FCRL3: variants seen among roughly 807,000 people sequenced by gnomAD.
FCRL3 encodes Fc receptor-like protein 3.
A neutral mutation model predicts 75.0 loss-of-function variants in FCRL3; 89 were observed. The ratio of observed to expected loss-of-function variants is 1.19; its 90% confidence interval spans 1.00 to 1.42. The LOEUF is 1.42. Ranked by LOEUF, FCRL3 falls within the 40% of genes most tolerant of loss-of-function variation. The probability of loss-of-function intolerance (pLI) is 0.00; values close to 1 mark genes in which losing one functional copy is unlikely to be tolerated. For missense variants in FCRL3, 946 were observed against 880.0 expected (o/e 1.07, Z -0.95); for synonymous variants, 376 against 348.5 (o/e 1.08, Z -0.88).
Position 157,697,902 on chromosome 1 carries a change from C to A in FCRL3, c.316G>T (p.Ala106Ser). 1 of 1,613,872 alleles carries A rather than the reference C, an allele frequency of 6.2e-7. No homozygotes were observed. The highest frequency in any genetic ancestry group is 8.5e-7 in the Non-Finnish European group (1 of 1,179,972). The part of the protein sequence containing the change: ...EFSPDWLILQ[A>S]LHPVFEGDNV... Reference sequence around the variant, plus strand: ...TCTCCTTCAAAGACAGGATGTAAAGCCTGCAGGATCAGCCAGTCTGCAAAG... The same window carrying A: ...TCTCCTTCAAAGACAGGATGTAAAGACTGCAGGATCAGCCAGTCTGCAAAG... Residue 106 changes from alanine (A) to serine (S), a missense_variant, in exon 5 of 15, where the codon GCT (alanine) becomes TCT (serine). Transcript: ENST00000368184.
chr1:157,690,969 A>G (rs1480278783), intron 8 of FCRL3, among the ~76,000 whole-genome samples: 4 of 151,926 alleles, frequency 2.6e-5, no homozygotes, highest in Non-Finnish European at 5.9e-5. Flanking sequence ...TTATTTTTCT[A>G]CATAGCATTT....
Position 157,699,729 on chromosome 1 carries a change from A to G in FCRL3, c.32-17T>C. ...TTCCAGGAGCTGTGAGGGAGCAGAA[A>G]ATGACAATCAGACACTCTCCGAAAC... is the stretch of plus-strand genomic sequence containing the variant. On this transcript the variant is annotated splice_polypyrimidine_tract_variant and intron_variant, in intron 2 of 14. Transcript: ENST00000368184. 1.9e-6 allele frequency: 3 copies of G among 1,613,056 alleles called. No homozygotes were observed. Among genetic ancestry groups the G allele is most frequent in the Non-Finnish European group, 2.5e-6 (3 of 1,179,580 alleles).
chr1:157,677,985 T>A lies in FCRL3; in HGVS notation c.*725A>T. 1 of 985,318 alleles carries A rather than the reference T, an allele frequency of 1.0e-6. No homozygotes were observed. The highest frequency in any genetic ancestry group is 1.2e-6 in the Non-Finnish European group (1 of 829,884). The allele number at this position is 985,318 out of a possible 1,614,324, so 61.0% of individuals were successfully genotyped here. On this transcript the variant is annotated 3_prime_UTR_variant, in exon 15 of 15. Transcript: ENST00000368184. Reference sequence around the variant, plus strand: ...AAGAATAAAACTGACTGACTAGAAATCTATCATGTATGGCAAATGATGAGA... The same window carrying A: ...AAGAATAAAACTGACTGACTAGAAAACTATCATGTATGGCAAATGATGAGA...
intron 13 of FCRL3, among the ~76,000 whole-genome samples, chr1:157,679,828 CACAAAAAAAAAAAAAA>C (rs908693407): frequency 1.1e-4 from 3 of 27,906 alleles, no homozygotes; most frequent in African/African-American, 2.3e-4. Flanking sequence ...GACCCCATCT[CACAAAAAAAAAAAAAA>C]AAAAAAAAAA....
At position 157,678,944 on chromosome 1, in the gene FCRL3, C is replaced by T. The variant is rs756650560; in HGVS notation, c.2056G>A (p.Glu686Lys). The change falls in exon 14 of 15, where the codon GAG (glutamate) becomes AAG (lysine). Residue 686 changes from glutamate (E) to lysine (K), a missense_variant and splice_region_variant. Coordinates refer to ENST00000368184, the MANE Select transcript of FCRL3 (RefSeq NM_052939.4). ...ANCPMMHQEH[E>K]ELTVLYSELK... ...GAAAGCCAAGAAATGTGACTCACCT[C>T]ATGCTCTTGATGCATCATTGGACAA... 3 of 1,614,022 alleles carry T rather than the reference C, an allele frequency of 1.9e-6. No individual in the cohort carries two copies. Among genetic ancestry groups the T allele is most frequent in the African/African-American group, 1.3e-5 (1 of 74,920 alleles).
rs1021453689 is a variant in FCRL3, at chr1:157,676,527, C to CT, written c.*2182dup. On this transcript the variant is annotated 3_prime_UTR_variant, in exon 15 of 15. Coordinates refer to ENST00000368184, the MANE Select transcript of FCRL3 (RefSeq NM_052939.4). ...ATTTTCAAAGGCTCCACTAAAATTA[C>CT]TTTTTTTAGATTTCTGGGCTATGGG... The CT allele has an allele frequency of 2.2e-5, 12 of 538,872 alleles. No individual in the cohort carries two copies. The highest frequency in any genetic ancestry group is 2.1e-4 in the African/African-American group (11 of 52,892). The allele number at this position is 538,872 out of a possible 1,614,324, so 33.4% of individuals were successfully genotyped here. A position where few individuals can be genotyped will look rare whatever the true frequency, so the allele number is the denominator to read the frequency against.
chr1:157,685,458 A>C (rs1248725833), intron 10 of FCRL3, among the ~76,000 whole-genome samples: 1 of 152,106 alleles, frequency 6.6e-6, no homozygotes, highest in African/African-American at 2.4e-5. Context: ...TCTACAAAAA[A>C]ACCTGGACAG....
At chr1:157,686,084 C>T (rs914333451) in intron 10 of FCRL3, among the ~76,000 whole-genome samples, 22 of 151,860 alleles carry the variant, frequency 1.4e-4, no homozygotes, top group Admixed American at 4.6e-4. Context: ...CAAGACTCTG[C>T]CAAGAGTAAG....
At chr1:157,698,345 TG>T (rs750830602) in intron 4 of FCRL3, 38 bp downstream of exon 4, 11 of 1,611,080 alleles carry the variant, frequency 6.8e-6, no homozygotes, top group Non-Finnish European at 9.3e-6. Flanking sequence ...GCATTCTGCC[TG>T]GTGGCTTGAC....
chr1:157,695,237 A>G, intron 8 of FCRL3, 92 bp downstream of exon 8: 3 of 1,333,270 alleles, frequency 2.3e-6, no homozygotes, highest in Non-Finnish European at 3.1e-6. Context: ...GTCTATTGGG[A>G]TATCAACCAG....
At chr1:157,680,600 T>G in intron 13 of FCRL3, 102 bp downstream of exon 13, 1 of 952,926 alleles carries the variant, frequency 1.0e-6, no homozygotes. Context: ...AGTAATGCCT[T>G]GCGTGTTGGG....
chr1:157,696,298 T>C lies in FCRL3; in HGVS notation c.874A>G (p.Ile292Val), dbSNP rs571480875. 1.2e-6 allele frequency: 2 copies of C among 1,614,012 alleles called. No homozygotes were observed. The highest frequency in any genetic ancestry group is 1.7e-6 in the Non-Finnish European group (2 of 1,180,004). Residue 292 changes from isoleucine (I) to valine (V), a missense_variant, in exon 7 of 15, where the codon ATC (isoleucine) becomes GTC (valine). By Grantham distance (29) the Ile-to-Val change is conservative. Coordinates refer to ENST00000368184, the MANE Select transcript of FCRL3 (RefSeq NM_052939.4). Reference protein sequence around the residue: ...RVPVSNVNLEIRPTGGQLIEG... With the variant: ...RVPVSNVNLEVRPTGGQLIEG... The stretch of plus-strand genomic sequence containing the variant: ...ATCAGCTGCCCTCCGGTGGGCCGGA[T>C]CTCTAGATTCACATTAGACACAGGG...
chr1:157,687,441 G>A (rs1191303605), intron 10 of FCRL3, among the ~76,000 whole-genome samples: 2 of 112,578 alleles, frequency 1.8e-5, no homozygotes, highest in African/African-American at 3.3e-5. Context: ...ATTGGTATAC[G>A]CTCACAAAAA....
In FCRL3 at chr1:157,677,937, T is replaced by A; in HGVS notation, c.*773A>T. ...GCCACATAGATATAGTAGGTTATTG[T>A]CTCGGGGTTAATGGGTGCTTATAAG... is the stretch of plus-strand genomic sequence containing the variant. On this transcript the variant is annotated 3_prime_UTR_variant, in exon 15 of 15. Coordinates refer to ENST00000368184, the MANE Select transcript of FCRL3 (RefSeq NM_052939.4). 1 of 984,288 alleles carries A rather than the reference T, an allele frequency of 1.0e-6. No individual in the cohort carries two copies. The highest frequency in any genetic ancestry group is 1.2e-6 in the Non-Finnish European group (1 of 828,946). The allele number at this position is 984,288 out of a possible 1,614,324, so 61.0% of individuals were successfully genotyped here.
chr1:157,700,308 G>A (rs867961865), intron 2 of FCRL3, 151 bp downstream of exon 2: 27 of 1,159,112 alleles, frequency 2.3e-5, no homozygotes, highest in Middle Eastern at 2.9e-4. Context: ...GGAGCCTCTT[G>A]GTTGTCCAGG....
At chr1:157,684,416 A>G (rs987789789) in intron 10 of FCRL3, among the ~76,000 whole-genome samples, 8 of 152,152 alleles carry the variant, frequency 5.3e-5, no homozygotes, top group South Asian at 4.2e-4. Context: ...GAGTTAAGCT[A>G]GAGGGGTATG....
In FCRL3 at chr1:157,678,500, A is replaced by G. The variant is rs902966990; in HGVS notation, c.*210T>C. 6.4e-6 allele frequency: 9 copies of G among 1,409,944 alleles called. No homozygotes were observed. The East Asian group carries it at 2.1e-4, about 33-fold the overall frequency. The allele number at this position is 1,409,944 out of a possible 1,614,324, so 87.3% of individuals were successfully genotyped here. On this transcript the variant is annotated 3_prime_UTR_variant, in exon 15 of 15. Transcript: ENST00000368184. ...CACGTGTCTCCACTGTGAAAATAACACAGTGCTTGCTCAGAGGCTGCCTGC... is the reference window on the plus strand; with the variant it reads ...CACGTGTCTCCACTGTGAAAATAACGCAGTGCTTGCTCAGAGGCTGCCTGC...
chr1:157,678,043 G>C lies in FCRL3; in HGVS notation c.*667C>G. 4.1e-6 allele frequency: 4 copies of C among 985,378 alleles called. No homozygotes were observed. Among genetic ancestry groups the C allele is most frequent in the Non-Finnish European group, 4.8e-6 (4 of 829,942 alleles). The allele number at this position is 985,378 out of a possible 1,614,324, so 61.0% of individuals were successfully genotyped here. A position where few individuals can be genotyped will look rare whatever the true frequency, so the allele number is the denominator to read the frequency against. Reference sequence around the variant, plus strand: ...ATGAAGCAAAAATTACAATTAATGTGATTCTTCACACATAAGGTCTTTGCA... The same window carrying C: ...ATGAAGCAAAAATTACAATTAATGTCATTCTTCACACATAAGGTCTTTGCA... On this transcript the variant is annotated 3_prime_UTR_variant, in exon 15 of 15. Transcript: ENST00000368184.
Position 157,695,522 on chromosome 1 carries a change from G to A in FCRL3, c.1218C>T (p.Ser406=), listed in dbSNP as rs747323687. 2.5e-6 allele frequency: 4 copies of A among 1,614,042 alleles called. No homozygotes were observed. Among genetic ancestry groups the A allele is most frequent in the East Asian group, 2.2e-5 (1 of 44,894 alleles). ...VGDLLELHCE[S]LRGSPPILYR... ...ACAGGATCGGGGGAGAGCCTCTCAG[G>A]GACTCACAGTGAAGCTCCAGCAGGT... Residue 406 remains serine (S), a synonymous_variant, in exon 8 of 15, where the codon TCC becomes TCT. Coordinates refer to ENST00000368184, the MANE Select transcript of FCRL3 (RefSeq NM_052939.4).
Sources: allele counts gnomAD v4.1 joint callset (sites outside exome capture counted in the v4.1 genomes callset), GRCh38; gene constraint gnomAD v4.1.1; transcripts MANE v1.5; gene names NCBI Gene and HGNC (gene_info 2026-07-23, HGNC 2026-07-21).